SEM1: variants seen among roughly 807,000 people sequenced by gnomAD.
SEM1 encodes SEM1 26S proteasome subunit.
A neutral mutation model predicts 12.7 loss-of-function variants in SEM1; 3 were observed. The ratio of observed to expected loss-of-function variants is 0.24; its 90% CI spans 0.11 to 0.61. The LOEUF (loss-of-function observed/expected upper bound fraction) is 0.61, where lower values mean the gene tolerates loss of function less well. Among genes scored for constraint, SEM1 ranks in the 20% least tolerant of loss-of-function variants. The pLI is 0.88. For missense variants in SEM1, 59 were observed against 81.3 expected, an observed-to-expected ratio of 0.73 and a Z score of 1.06; for synonymous variants, 30 against 27.8, an observed-to-expected ratio of 1.08 and a Z score of -0.25.
At chr7:96,677,220 C>T (rs991776034) in intron 2 of SEM1, among the ~76,000 whole-genome samples, 1 of 152,052 alleles carries the variant, frequency 6.6e-6, no homozygotes, top group African/African-American at 2.4e-5. Context: ...TCTCAGGAGT[C>T]GTCTCTAAAT....
chr7:96,707,750 T>C (rs538008379), intron 1 of SEM1, among the ~76,000 whole-genome samples: 32 of 152,206 alleles, frequency 2.1e-4, no homozygotes, highest in Non-Finnish European at 4.1e-4. Context: ...CAAAAGCTGA[T>C]GAAAGTTGCT....
intron 2 of SEM1, among the ~76,000 whole-genome samples, chr7:96,509,422 A>T (rs1803862661): frequency 6.6e-6 from 1 of 152,118 alleles, no homozygotes; most frequent in South Asian, 2.1e-4. Context: ...AGACTGAAGG[A>T]CTGATTATCA....
chr7:96,648,711 T>G (rs1251064455), intron 2 of SEM1, among the ~76,000 whole-genome samples: 4 of 152,208 alleles, frequency 2.6e-5, no homozygotes, highest in Non-Finnish European at 4.4e-5. Context: ...GAAGGAATTT[T>G]GGATGGATAC....
chr7:96,650,617 G>T (rs377522748), intron 2 of SEM1: 48 of 658,186 alleles, frequency 7.3e-5, no homozygotes, highest in East Asian at 4.4e-4. Context: ...ACATTACTTA[G>T]AATTTAAATG....
chr7:96,621,476 A>G (rs546311153), downstream of SEM1, among the ~76,000 whole-genome samples: 1 of 152,322 alleles, frequency 6.6e-6, no homozygotes, highest in Admixed American at 6.5e-5. Context: ...ATGTAGAAGC[A>G]AAATGAAAGA....
chr7:96,537,059 A>G (rs1210661921), intron 2 of SEM1, among the ~76,000 whole-genome samples: 1 of 151,686 alleles, frequency 6.6e-6, no homozygotes, highest in Non-Finnish European at 1.5e-5. Flanking sequence ...TTCAAATATT[A>G]TTGTATCAAT....
intron 2 of SEM1, among the ~76,000 whole-genome samples, chr7:96,531,829 G>T (rs1804652865): frequency 6.6e-6 from 1 of 152,012 alleles, no homozygotes; most frequent in Admixed American, 6.6e-5. Flanking sequence ...AAAATATTAT[G>T]AATGGCAATA....
At chr7:96,646,215 C>T (rs1480338916) in intron 2 of SEM1, among the ~76,000 whole-genome samples, 1 of 152,112 alleles carries the variant, frequency 6.6e-6, no homozygotes, top group Non-Finnish European at 1.5e-5. Flanking sequence ...CATTCACTTA[C>T]CTAATATGTC....
In SEM1 at chr7:96,586,699, TG is replaced by T. The variant is rs1433103519; in HGVS notation, c.171-80002del. Among the ~76,000 whole-genome samples, 14 of 152,354 alleles carry T rather than the reference TG, an allele frequency of 9.2e-5. No homozygotes were observed. The South Asian group carries it at 1.9e-3, about 20-fold the overall frequency. On this transcript the variant is annotated intron_variant and NMD_transcript_variant, in intron 2 of 3. Coordinates refer to the SEM1 transcript ENST00000466986. ...TTGAGGCTGGATTCTTTAGGTTTTTTGTTTCCCATGTGCTGGGCAGAATGTT... is the reference window on the plus strand; with the variant it reads ...TTGAGGCTGGATTCTTTAGGTTTTTTTTTCCCATGTGCTGGGCAGAATGTT...
At chr7:96,585,879 G>T (rs1482170868) in intron 2 of SEM1, among the ~76,000 whole-genome samples, 1 of 152,154 alleles carries the variant, frequency 6.6e-6, no homozygotes, top group Non-Finnish European at 1.5e-5. Flanking sequence ...GCACTCCCTA[G>T]TGAGATGAAC....
At chr7:96,631,973 TAA>T (rs1808275813) in intron 2 of SEM1, among the ~76,000 whole-genome samples, 1 of 152,198 alleles carries the variant, frequency 6.6e-6, no homozygotes, top group East Asian at 1.9e-4. Flanking sequence ...TCACTGGTCA[TAA>T]CAGAAATGCA....
intron 2 of SEM1, among the ~76,000 whole-genome samples, chr7:96,572,821 A>G (rs1806079765): frequency 6.6e-6 from 1 of 152,178 alleles, no homozygotes; most frequent in Non-Finnish European, 1.5e-5. Flanking sequence ...AGTTGAGTTC[A>G]AGTCCTGAAT....
chr7:96,687,970 G>C (rs1789812439), downstream of SEM1: 1 of 152,018 alleles, frequency 6.6e-6, no homozygotes, highest in Admixed American at 6.6e-5. Flanking sequence ...AGTATAACTT[G>C]TATTTCAGGC....
At chr7:96,558,394 T>G (rs528845235) in intron 2 of SEM1, 13 of 152,442 alleles carry the variant, frequency 8.5e-5, no homozygotes, top group African/African-American at 3.1e-4. Context: ...GATTACGATA[T>G]GCAAAGATTC....
chr7:96,654,449 C>T (rs1162466638), intron 2 of SEM1, among the ~76,000 whole-genome samples: 1 of 152,164 alleles, frequency 6.6e-6, no homozygotes, highest in African/African-American at 2.4e-5. Context: ...AAGCTGTAGG[C>T]ATTCATAGAA....
chr7:96,703,622 T>A (rs1790340086), intron 1 of SEM1, among the ~76,000 whole-genome samples: 1 of 151,114 alleles, frequency 6.6e-6, no homozygotes, highest in African/African-American at 2.4e-5. Context: ...CCTAAAGCTA[T>A]AAGGTTATTC....
intron 2 of SEM1, among the ~76,000 whole-genome samples, chr7:96,531,753 C>G (rs1036816980): frequency 6.6e-6 from 1 of 152,002 alleles, no homozygotes; most frequent in African/African-American, 2.4e-5. Flanking sequence ...AACATTTACC[C>G]TATTATTACT....
intron 2 of SEM1, among the ~76,000 whole-genome samples, chr7:96,548,038 G>A (rs1584753797): frequency 6.6e-6 from 1 of 152,046 alleles, no homozygotes; most frequent in East Asian, 1.9e-4. Context: ...TGTTGTGTTT[G>A]GTTCACTTTC....
At chr7:96,557,092 C>A (rs1055413919) in intron 2 of SEM1, among the ~76,000 whole-genome samples, 1 of 144,542 alleles carries the variant, frequency 6.9e-6, no homozygotes, top group Admixed American at 6.9e-5. Flanking sequence ...ATACATTCTT[C>A]TACATTTTTT....
Sources: gnomAD v4.1 joint callset for allele counts (sites outside exome capture counted in the v4.1 genomes callset) on GRCh38, gnomAD v4.1.1 for gene constraint, MANE v1.5 for transcripts, NCBI Gene and HGNC (gene_info 2026-07-23, HGNC 2026-07-21) for gene names.